Variants in NEXN observed in about 807,000 individuals in gnomAD.
The protein encoded by NEXN is nexilin.
In NEXN, 65 loss-of-function variants were observed where a neutral mutation model predicts 92.6. The observed-to-expected ratio is 0.70, with a 90% confidence interval of 0.57 to 0.86. The LOEUF is 0.86. NEXN is among the 40% of genes least tolerant of loss of function. NEXN has a pLI of 0.00. For missense variants in NEXN, 778 were observed against 771.1 expected (o/e 1.01, Z -0.11); for synonymous variants, 254 against 242.5 (o/e 1.05, Z -0.44).
At chr1:77,892,608 G>A (rs1429179009) in intron 1 of NEXN, among the ~76,000 whole-genome samples, 1 of 152,176 alleles carries the variant, frequency 6.6e-6, no homozygotes, top group African/African-American at 2.4e-5. Context: ...ATGATGGAAA[G>A]TCTGCTGTAC....
intron 1 of NEXN, among the ~76,000 whole-genome samples, chr1:77,901,518 C>A (rs1341074601): frequency 6.6e-6 from 1 of 152,090 alleles, no homozygotes; most frequent in Non-Finnish European, 1.5e-5. Flanking sequence ...TCAACCTTAT[C>A]TTTTGGTCAC....
intron 1 of NEXN, among the ~76,000 whole-genome samples, chr1:77,898,797 A>C (rs1343679436): frequency 6.6e-6 from 1 of 152,200 alleles, no homozygotes; most frequent in Non-Finnish European, 1.5e-5. Flanking sequence ...TCTACAATGA[A>C]CTCAAACAAA....
chr1:77,912,155 C>G (rs974328079), intron 1 of NEXN, among the ~76,000 whole-genome samples: 1 of 151,368 alleles, frequency 6.6e-6, no homozygotes, highest in African/African-American at 2.4e-5. Context: ...TCAACATGTA[C>G]TAGCAACAAT....
At chr1:77,919,897 CCT>C (rs2102100515) in intron 5 of NEXN, among the ~76,000 whole-genome samples, 1 of 150,022 alleles carries the variant, frequency 6.7e-6, no homozygotes, top group South Asian at 2.1e-4. Context: ...ACCGCACTGG[CCT>C]CTTTTTTTTT....
chr1:77,905,478 C>T (rs1648046048), intron 1 of NEXN, among the ~76,000 whole-genome samples: 1 of 151,752 alleles, frequency 6.6e-6, no homozygotes, highest in Non-Finnish European at 1.5e-5. Context: ...ATCACTTGGG[C>T]CCAGAAGTTA....
intron 1 of NEXN, among the ~76,000 whole-genome samples, chr1:77,898,700 A>G (rs1361112427): frequency 6.6e-6 from 1 of 152,224 alleles, no homozygotes; most frequent in Non-Finnish European, 1.5e-5. Flanking sequence ...ACAGAAAAAG[A>G]AACTACCATC....
At chr1:77,920,990 T>C (rs1649377677) in intron 5 of NEXN, among the ~76,000 whole-genome samples, 1 of 152,218 alleles carries the variant, frequency 6.6e-6, no homozygotes, top group African/African-American at 2.4e-5. Context: ...CATGGCTACT[T>C]AGACAGATTT....
chr1:77,940,473 A>G (rs1354533746), intron 11 of NEXN, among the ~76,000 whole-genome samples: 1 of 152,240 alleles, frequency 6.6e-6, no homozygotes, highest in Non-Finnish European at 1.5e-5. Flanking sequence ...AGAACTGTGC[A>G]TAAATTTTCA....
intron 9 of NEXN, among the ~76,000 whole-genome samples, chr1:77,930,388 C>T (rs1040112447): frequency 3.9e-5 from 6 of 152,134 alleles, no homozygotes; most frequent in Admixed American, 1.3e-4. Context: ...CCATTTTCAC[C>T]GCCACTACTA....
intron 3 of NEXN, 85 bp from the exon 4 acceptor site, chr1:77,917,875 T>A (rs1649100323): frequency 6.9e-7 from 1 of 1,450,600 alleles, no homozygotes; most frequent in Admixed American, 1.7e-5. Context: ...TTTTCTGTAT[T>A]TGTAACCTAA....
chr1:77,904,652 AC>A, intron 1 of NEXN, among the ~76,000 whole-genome samples: 1 of 152,216 alleles, frequency 6.6e-6, no homozygotes, highest in Middle Eastern at 3.2e-3. Context: ...TACCATGCGT[AC>A]AGAGGAAAAT....
chr1:77,924,011 T>G (rs542752054), intron 5 of NEXN, among the ~76,000 whole-genome samples: 1 of 152,198 alleles, frequency 6.6e-6, no homozygotes, highest in South Asian at 2.1e-4. Context: ...CTTTCCTACT[T>G]AGACCTCGTC....
chr1:77,917,499 C>A, intron 2 of NEXN, 67 bp from the exon 3 acceptor site: 1 of 1,123,042 alleles, frequency 8.9e-7, no homozygotes, highest in Non-Finnish European at 1.3e-6. Context: ...TTATTCTTAT[C>A]TATCTTTACC....
intron 1 of NEXN, among the ~76,000 whole-genome samples, chr1:77,914,635 G>A (rs1024153769): frequency 6.6e-6 from 1 of 151,880 alleles, no homozygotes; most frequent in Non-Finnish European, 1.5e-5. Flanking sequence ...TAGGTGGGTG[G>A]ATCACAAGGT....
chr1:77,917,682 G>A lies in NEXN; in HGVS notation c.144G>A (p.Arg48=). 1 of 1,612,472 alleles carries A rather than the reference G, an allele frequency of 6.2e-7. No individual in the cohort carries two copies. The highest frequency in any genetic ancestry group is 8.5e-7 in the Non-Finnish European group (1 of 1,179,112). ...GAGCCAGGGAAGAAAGAAATCAAAG[G>A]AGATCTAGAGACGAAAAACAAAGAA... ...MQRAREERNQ[R]RSRDEKQRRK... is the part of the protein sequence containing the mutation. The change falls in exon 3 of 13, where the codon AGG becomes AGA. Residue 48 remains arginine (R), a synonymous_variant. Coordinates refer to ENST00000334785, the MANE Select transcript of NEXN (RefSeq NM_144573.4).
At chr1:77,891,907 C>G (rs1647118112) in intron 1 of NEXN, among the ~76,000 whole-genome samples, 1 of 151,744 alleles carries the variant, frequency 6.6e-6, no homozygotes, top group African/African-American at 2.4e-5. Flanking sequence ...GTGAGACCCA[C>G]CCCCATCTCT....
At chr1:77,893,238 T>A (rs1269167661) in intron 1 of NEXN, among the ~76,000 whole-genome samples, 1 of 152,124 alleles carries the variant, frequency 6.6e-6, no homozygotes, top group Middle Eastern at 3.2e-3. Context: ...ACAGCTTGGC[T>A]ATAAAGAGGA....
Position 77,942,019 on chromosome 1 carries a change from G to C in NEXN, c.1474-4G>C. The C allele has an allele frequency of 6.2e-7, 1 of 1,611,600 alleles. No homozygotes were observed. The highest frequency in any genetic ancestry group is 8.5e-7 in the Non-Finnish European group (1 of 1,178,568). On this transcript the variant is annotated splice_region_variant and splice_polypyrimidine_tract_variant and intron_variant, in intron 11 of 12. Transcript: ENST00000334785. ...ATTGTTAATCTTGGCCCACTTTCTT[G>C]CAGGAAGATGATGTTGATGTTAGGC... is the stretch of plus-strand genomic sequence containing the variant.
rs542318444 is a variant in NEXN, at chr1:77,900,381, G to A, written c.-53+11622G>A. 2.0e-5 allele frequency among the ~76,000 whole-genome samples: 3 copies of A among 152,060 alleles called. No individual in the cohort carries two copies. The East Asian group carries it at 5.8e-4, about 29-fold the overall frequency. On this transcript the variant is annotated intron_variant, in intron 1 of 12. Coordinates refer to ENST00000334785, the MANE Select transcript of NEXN (RefSeq NM_144573.4). The stretch of plus-strand genomic sequence containing the variant: ...GTTTCTATAGCCTGGTTATAATACT[G>A]GTATTATAGCATTTACTACATCATA...
Sources: gnomAD v4.1 joint callset for allele counts (sites outside exome capture counted in the v4.1 genomes callset) on GRCh38, gnomAD v4.1.1 for gene constraint, MANE v1.5 for transcripts, NCBI Gene and HGNC (gene_info 2026-07-23, HGNC 2026-07-21) for gene names.